Variants in NR4A3 observed in about 807,000 individuals in gnomAD.
The protein encoded by NR4A3 is nuclear receptor subfamily 4 group A member 3, also known as chondrosarcoma, extraskeletal myxoid, fused to EWS.
NR4A3 carries 13 observed loss-of-function variants against 55.6 expected under a neutral mutation model. That is an observed-to-expected ratio of 0.23 (90% CI 0.15 to 0.37). The LOEUF (loss-of-function observed/expected upper bound fraction) is 0.37, where lower values mean the gene tolerates loss of function less well. NR4A3 is among the 10% of genes least tolerant of loss of function. The pLI is 1.00. For missense variants in NR4A3, 646 were observed against 822.8 expected (o/e 0.79, Z 2.63); for synonymous variants, 342 against 357.9 (o/e 0.96, Z 0.50).
chr9:99,822,894 G>A lies in NR4A3; in HGVS notation c.-177+487G>A, dbSNP rs1183207821. ...TGTTGCTAATGGTGGCACCGAGCTG[G>A]TTCTCTGGAAGGAAGCTTAGGAGGG... On this transcript the variant is annotated intron_variant, in intron 1 of 7. Transcript: ENST00000395097. This position sits in a 1 kb window ranked among gnomAD's most constrained non-coding sequence, Gnocchi z 4.9. Among the ~76,000 whole-genome samples, 1 of 152,198 alleles carries A rather than the reference G, an allele frequency of 6.6e-6. No homozygotes were observed. Among genetic ancestry groups the A allele is most frequent in the Non-Finnish European group, 1.5e-5 (1 of 68,030 alleles).
intron 7 of NR4A3, among the ~76,000 whole-genome samples, chr9:99,849,410 A>G (rs985374651): frequency 6.6e-6 from 1 of 152,126 alleles, no homozygotes. Context: ...TTAACGAAAC[A>G]AAAACCAAGG....
intron 6 of NR4A3, among the ~76,000 whole-genome samples, chr9:99,845,586 C>A (rs973112787): frequency 6.6e-6 from 1 of 152,002 alleles, no homozygotes; most frequent in African/African-American, 2.4e-5. Context: ...AACTTTTTAC[C>A]AAATATTATC....
At chr9:99,863,444 A>G (rs1828042332) in intron 7 of NR4A3, among the ~76,000 whole-genome samples, 176 bp from the exon 8 acceptor site, 1 of 152,188 alleles carries the variant, frequency 6.6e-6, no homozygotes, top group African/African-American at 2.4e-5. Context: ...CTGGGATTCA[A>G]ACCTTGGTGT....
chr9:99,840,606 T>A (rs1353070196), intron 5 of NR4A3, among the ~76,000 whole-genome samples: 1 of 152,222 alleles, frequency 6.6e-6, no homozygotes, highest in Non-Finnish European at 1.5e-5. Flanking sequence ...GAGCCAGAAG[T>A]AATCTTAGGG....
chr9:99,856,991 A>G (rs1827938158), intron 7 of NR4A3, among the ~76,000 whole-genome samples: 3 of 152,238 alleles, frequency 2.0e-5, no homozygotes, highest in East Asian at 1.9e-4. Context: ...ATTTTGTTTA[A>G]TGTTGCTTAA....
chr9:99,834,594 C>G (rs1827518283), intron 5 of NR4A3, among the ~76,000 whole-genome samples: 1 of 152,186 alleles, frequency 6.6e-6, no homozygotes, highest in Non-Finnish European at 1.5e-5. Context: ...TTGGTGGCTA[C>G]TACCAAACTG....
chr9:99,861,549 G>A (rs992841129), intron 7 of NR4A3, among the ~76,000 whole-genome samples: 1 of 152,026 alleles, frequency 6.6e-6, no homozygotes, highest in Non-Finnish European at 1.5e-5. Context: ...AAGGAAGGAA[G>A]GAGGACACAT....
intron 7 of NR4A3, among the ~76,000 whole-genome samples, chr9:99,861,849 G>C (rs1828013599): frequency 6.6e-6 from 1 of 152,120 alleles, no homozygotes; most frequent in African/African-American, 2.4e-5. Context: ...TCAGTGCTTT[G>C]GGAAACTGAG....
intron 5 of NR4A3, chr9:99,835,054 C>T (rs1296418383): frequency 3.0e-6 from 1 of 332,988 alleles, no homozygotes; most frequent in Non-Finnish European, 4.3e-6. Context: ...TCAGTTTTCT[C>T]CTCTGTGTTG....
chr9:99,824,061 A>G (rs563666706), intron 1 of NR4A3, among the ~76,000 whole-genome samples: 1 of 151,998 alleles, frequency 6.6e-6, no homozygotes, highest in African/African-American at 2.4e-5. Flanking sequence ...ATTTCTTCCT[A>G]ATTTACAACC....
In NR4A3 at chr9:99,832,700, GA is replaced by G; in HGVS notation, c.968del (p.Asn323MetfsTer14). On this transcript the variant is annotated frameshift_variant, in exon 4 of 8. Transcript: ENST00000395097. LOFTEE classifies it high-confidence loss of function. ...CKGFFKRTVQ[K>X]NAKYVCLANK... ...TTATATTTTCTCAGAGAACAGTGCA[GA>G]AAAATGCAAAATATGTTTGCCTGGC... 6.2e-7 allele frequency: 1 copy of G among 1,606,710 alleles called. No individual in the cohort carries two copies. The highest frequency in any genetic ancestry group is 8.5e-7 in the Non-Finnish European group (1 of 1,174,966).
At position 99,822,477 on chromosome 9, in the gene NR4A3, C is replaced by A. The variant is rs1284157699; in HGVS notation, c.-177+70C>A. On this transcript the variant is annotated intron_variant, in intron 1 of 7. Coordinates refer to ENST00000395097, the MANE Select transcript of NR4A3 (RefSeq NM_006981.4). This position sits in a 1 kb window ranked among gnomAD's most constrained non-coding sequence, Gnocchi z 4.9. ...AGTTGGCTTGCTGGGAAGCGTCGCT[C>A]CTGAAATTGACAACTTTGAGTGTGG... is the stretch of plus-strand genomic sequence containing the variant. 2.0e-5 allele frequency: 3 copies of A among 152,362 alleles called. No homozygotes were observed. The highest frequency in any genetic ancestry group is 1.3e-4 in the Admixed American group (2 of 15,282). 9.4% of individuals were successfully genotyped at this position (152,362 alleles called of 1,614,324 possible). A position where few individuals can be genotyped will look rare whatever the true frequency, so the allele number is the denominator to read the frequency against.
chr9:99,860,812 C>T (rs908054069), intron 7 of NR4A3, among the ~76,000 whole-genome samples: 25 of 152,230 alleles, frequency 1.6e-4, no homozygotes, highest in African/African-American at 5.5e-4. Flanking sequence ...TGCCCACTGG[C>T]AAGCATTGTC....
chr9:99,824,443 G>C (rs1027401424), intron 1 of NR4A3, among the ~76,000 whole-genome samples: 4 of 152,228 alleles, frequency 2.6e-5, no homozygotes, highest in Non-Finnish European at 5.9e-5. Context: ...TGCTACAGCC[G>C]TGGGAAGATC....
intron 7 of NR4A3, among the ~76,000 whole-genome samples, chr9:99,860,351 T>G (rs1267600646): frequency 6.6e-6 from 1 of 152,194 alleles, no homozygotes; most frequent in Non-Finnish European, 1.5e-5. Context: ...GTTTTTTGTT[T>G]GTTTGCTTTT....
At chr9:99,859,646 C>T in intron 7 of NR4A3, among the ~76,000 whole-genome samples, 1 of 152,112 alleles carries the variant, frequency 6.6e-6, no homozygotes. Flanking sequence ...ATAATGGTTG[C>T]CATAGTTATT....
At position 99,847,472 on chromosome 9, in the gene NR4A3, A is replaced by G. The variant is rs748926406; in HGVS notation, c.1490A>G (p.Asn497Ser). 8 of 1,614,186 alleles carry G rather than the reference A, an allele frequency of 5.0e-6. No homozygotes were observed. In the South Asian group the frequency reaches 6.6e-5, roughly 13 times the overall value. Reference sequence around the variant, plus strand: ...GCTGAAGATAAGTTTGTGTTCTGCAATGGACTTGTCCTGCATCGACTTCAG... The same window carrying G: ...GCTGAAGATAAGTTTGTGTTCTGCAGTGGACTTGTCCTGCATCGACTTCAG... The part of the protein sequence containing the change: ...NTAEDKFVFC[N>S]GLVLHRLQCL... Residue 497 changes from asparagine (N) to serine (S), a missense_variant, in exon 7 of 8, where the codon AAT (asparagine) becomes AGT (serine). Coordinates refer to ENST00000395097, the MANE Select transcript of NR4A3 (RefSeq NM_006981.4).
At chr9:99,847,329 G>C in intron 6 of NR4A3, 108 bp from the exon 7 acceptor site, 1 of 986,930 alleles carries the variant, frequency 1.0e-6, no homozygotes, top group Non-Finnish European at 1.6e-6. Flanking sequence ...ACCACACTGG[G>C]GTCCCAATGC....
chr9:99,856,320 A>G (rs1827926365), intron 7 of NR4A3, among the ~76,000 whole-genome samples: 1 of 151,696 alleles, frequency 6.6e-6, no homozygotes, highest in African/African-American at 2.4e-5. Context: ...TGCAACCTAG[A>G]TCCCTCACAT....
Sources: gnomAD v4.1 joint callset for allele counts (sites outside exome capture counted in the v4.1 genomes callset) on GRCh38, gnomAD v4.1.1 for gene constraint, Gnocchi (gnomAD v3.1) non-coding constraint, MANE v1.5 for transcripts, NCBI Gene and HGNC (gene_info 2026-07-23, HGNC 2026-07-21) for gene names.